Variants in ABCA10 observed in about 807,000 individuals in gnomAD.
ABCA10 encodes ATP binding cassette subfamily A member 10, also known as ATP-binding cassette sub-family A member 10.
In ABCA10, 169 loss-of-function variants were observed where a neutral mutation model predicts 187.5. That is an observed-to-expected ratio of 0.90 (90% CI 0.80 to 1.02). ABCA10 has a LOEUF of 1.02. Ranked by LOEUF, ABCA10 falls within the 50% of genes least tolerant of loss-of-function variation. The pLI is 0.00. For missense variants in ABCA10, 1,727 were observed against 1,812.4 expected, an observed-to-expected ratio of 0.95 and a Z score of 0.86; for synonymous variants, 574 against 601.8, an observed-to-expected ratio of 0.95 and a Z score of 0.68.
At chr17:69,154,683 A>AC (rs761300152) in intron 30 of ABCA10, among the ~76,000 whole-genome samples, 9 of 152,122 alleles carry the variant, frequency 5.9e-5, no homozygotes, top group Non-Finnish European at 1.0e-4. Context: ...AGCCTCTCAA[A>AC]GTATTAGGAT....
At chr17:69,217,282 T>C (rs2074713653) in intron 6 of ABCA10, among the ~76,000 whole-genome samples, 1 of 151,902 alleles carries the variant, frequency 6.6e-6, no homozygotes, top group Non-Finnish European at 1.5e-5. Context: ...TCATGATGAT[T>C]ATAGTTGTAT....
chr17:69,184,238 C>T (rs2074403373), intron 20 of ABCA10, among the ~76,000 whole-genome samples: 1 of 152,164 alleles, frequency 6.6e-6, no homozygotes, highest in Admixed American at 6.5e-5. Context: ...ACCCTGCCCT[C>T]ACCTGCTGGT....
intron 16 of ABCA10, 46 bp downstream of exon 16, chr17:69,192,517 C>A: frequency 6.7e-7 from 1 of 1,487,748 alleles, no homozygotes; most frequent in South Asian, 1.2e-5. Context: ...ATGTCACCCT[C>A]ATATTAATAT....
rs2074161754 is a variant in ABCA10, at chr17:69,154,919, T to C, written c.3694+100A>G. Reference sequence around the variant, plus strand: ...TTATAATTACACATTAACCAGGATATATGAACAGTCTCAATGAATAAAAAT... The same window carrying C: ...TTATAATTACACATTAACCAGGATACATGAACAGTCTCAATGAATAAAAAT... On this transcript the variant is annotated intron_variant, in intron 30 of 38. Transcript: ENST00000690296. The C allele has an allele frequency of 1.2e-5, 9 of 761,232 alleles. No homozygotes were observed. The South Asian group carries it at 1.2e-4, about 10-fold the overall frequency. The allele number at this position is 761,232 out of a possible 1,614,324, so 47.2% of individuals were successfully genotyped here.
chr17:69,153,697 T>C, intron 32 of ABCA10, 134 bp downstream of exon 32: 1 of 1,439,010 alleles, frequency 6.9e-7, no homozygotes, highest in Non-Finnish European at 9.4e-7. Flanking sequence ...ATTTGGTTCT[T>C]ATTCAGGTAT....
At chr17:69,205,919 A>G (rs7221304) in intron 9 of ABCA10, among the ~76,000 whole-genome samples, 12,700 of 152,210 alleles carry the variant, frequency 0.083, 1,837 homozygotes, top group African/African-American at 0.29. Flanking sequence ...TAATTATCAA[A>G]AAGCTCTCAG....
At chr17:69,181,636 T>C (rs1179658983) in intron 22 of ABCA10, among the ~76,000 whole-genome samples, 1 of 151,934 alleles carries the variant, frequency 6.6e-6, no homozygotes, top group Non-Finnish European at 1.5e-5. Flanking sequence ...ATATTTAAAT[T>C]TTTCCATAAA....
chr17:69,220,724 G>GA (rs2074741666), intron 5 of ABCA10, among the ~76,000 whole-genome samples: 1 of 152,166 alleles, frequency 6.6e-6, no homozygotes, highest in Non-Finnish European at 1.5e-5. Context: ...TAGAGCAGAC[G>GA]TCTAGCTCTT....
At chr17:69,199,672 C>A (rs35991088) in intron 10 of ABCA10, among the ~76,000 whole-genome samples, 11,090 of 152,264 alleles carry the variant, frequency 0.073, 544 homozygotes, top group Admixed American at 0.15. Context: ...TAAATAACCG[C>A]TCTTCATACC....
At chr17:69,213,729 C>A (rs1352781815) in intron 9 of ABCA10, among the ~76,000 whole-genome samples, 1 of 152,196 alleles carries the variant, frequency 6.6e-6, no homozygotes, top group Non-Finnish European at 1.5e-5. Context: ...GTTGCTTCTG[C>A]GCTAGTACCT....
Position 69,192,754 on chromosome 17 carries a change from T to C in ABCA10, c.1781-101A>G, listed in dbSNP as rs896382320. The C allele has an allele frequency of 3.0e-6, 3 of 990,808 alleles. No homozygotes were observed. The South Asian group carries it at 4.5e-5, about 15-fold the overall frequency. The allele number at this position is 990,808 out of a possible 1,614,324, so 61.4% of individuals were successfully genotyped here. On this transcript the variant is annotated intron_variant, in intron 15 of 38. Coordinates refer to ENST00000690296, the MANE Select transcript of ABCA10 (RefSeq NM_001377321.1). The stretch of plus-strand genomic sequence containing the variant: ...AAAACACTGAATGAAATTTGTAATA[T>C]CAATACAACTGTAATATCATTAAGC...
At chr17:69,219,823 T>A (rs747327565) in intron 5 of ABCA10, 52 bp from the exon 6 acceptor site, 7 of 1,214,560 alleles carry the variant, frequency 5.8e-6, no homozygotes, top group Non-Finnish European at 7.9e-6. Flanking sequence ...CAAAATATAT[T>A]AGAAAACTAT....
Position 69,148,877 on chromosome 17 carries a change from T to C in ABCA10, c.4582A>G (p.Lys1528Glu), listed in dbSNP as rs1312105710. ...TTCCATTCAACTGTTGTATCAATTT[T>C]ATCATCAACATTTCCCAGCTCCTGC... The part of the protein sequence containing the change: ...KEQELGNVDD[K>E]IDTTVEWKLL... The change falls in exon 39 of 39, where the codon AAA becomes GAA. Residue 1528 changes from lysine (K) to glutamate (E), a missense_variant. Coordinates refer to ENST00000690296, the MANE Select transcript of ABCA10 (RefSeq NM_001377321.1). The C allele has an allele frequency of 1.1e-5, 18 of 1,613,666 alleles. No homozygotes were observed. The highest frequency in any genetic ancestry group is 1.5e-5 in the Non-Finnish European group (18 of 1,179,842).
chr17:69,214,028 G>T (rs72853626), intron 9 of ABCA10, among the ~76,000 whole-genome samples: 2 of 152,198 alleles, frequency 1.3e-5, no homozygotes, highest in African/African-American at 2.4e-5. Flanking sequence ...ATATTAACAA[G>T]AACCAATTAA....
rs367916076 is a variant in ABCA10, at chr17:69,185,597, T to C, written c.2377A>G (p.Ile793Val). The C allele has an allele frequency of 3.1e-6, 5 of 1,612,698 alleles. No individual in the cohort carries two copies. In the African/African-American group the frequency reaches 6.7e-5, roughly 22 times the overall value. The change falls in exon 20 of 39, where the codon ATA becomes GTA. Residue 793 changes from isoleucine to valine, a missense_variant. Transcript: ENST00000690296. ...GTTTCACGAGTTACTTTATACATTA[T>C]CTTCTCTAGAATGATGGGGATAAAA... is the stretch of plus-strand genomic sequence containing the variant. ...IAFIPIILEKIMYKVTRETHC... is the reference protein window; with the variant it reads ...IAFIPIILEKVMYKVTRETHC...
At chr17:69,204,832 A>G (rs1445894066) in intron 9 of ABCA10, among the ~76,000 whole-genome samples, 1 of 152,252 alleles carries the variant, frequency 6.6e-6, no homozygotes, top group Non-Finnish European at 1.5e-5. Flanking sequence ...AAAGATGCTT[A>G]TAAAAATTTA....
At chr17:69,210,170 C>CTTTTTTTTTTTTTTTTTTTTTTTT in intron 9 of ABCA10, among the ~76,000 whole-genome samples, 3 of 70,876 alleles carry the variant, frequency 4.2e-5, no homozygotes, top group African/African-American at 2.0e-4. Flanking sequence ...GTGGTTATTT[C>CTTTTTTTTTTTTTTTTTTTTTTTT]TTTTTTTTTT....
intron 27 of ABCA10, among the ~76,000 whole-genome samples, chr17:69,162,838 C>CATATACATATACATATATAT (rs375141032): frequency 0.024 from 2,931 of 120,672 alleles, 48 homozygotes; most frequent in Non-Finnish European, 0.036. Flanking sequence ...TATACATATA[C>CATATACATATACATATATAT]ATATATATAT....
intron 10 of ABCA10, among the ~76,000 whole-genome samples, chr17:69,199,661 C>T (rs933561297): frequency 6.6e-6 from 1 of 152,166 alleles, no homozygotes; most frequent in Non-Finnish European, 1.5e-5. Context: ...CTTAGGAGAC[C>T]TAAATAACCG....
Sources: allele counts gnomAD v4.1 joint callset (sites outside exome capture counted in the v4.1 genomes callset), GRCh38; gene constraint gnomAD v4.1.1; transcripts MANE v1.5; gene names NCBI Gene and HGNC (gene_info 2026-07-23, HGNC 2026-07-21).